Variants in LPP observed in about 807,000 individuals in gnomAD.
LPP encodes the protein lipoma-preferred partner.
A neutral mutation model predicts 60.4 loss-of-function variants in LPP; 38 were observed. The ratio of observed to expected loss-of-function variants is 0.63; its 90% CI spans 0.49 to 0.83. The LOEUF (loss-of-function observed/expected upper bound fraction) is 0.83. LPP is among the 40% of genes least tolerant of loss of function. The pLI, the probability that LPP is intolerant of heterozygous loss-of-function variation, is 0.00. For missense variants in LPP, 902 were observed against 783.6 expected (o/e 1.15, Z -1.80); for synonymous variants, 328 against 290.8 (o/e 1.13, Z -1.30).
chr3:188,206,684 G>A (rs1185180310), intron 1 of LPP, among the ~76,000 whole-genome samples: 2 of 152,210 alleles, frequency 1.3e-5, no homozygotes, highest in African/African-American at 2.4e-5. Context: ...GAATCTGGGC[G>A]ATGAGAAAGA....
chr3:188,638,022 G>A lies in LPP; in HGVS notation c.1113+28178G>A, dbSNP rs1344467284. Reference sequence around the variant, plus strand: ...CTCCCTAACTCATTTTATGAGGCCAGCATCATCCTGATACCAAAGCCTGGC... The same window carrying A: ...CTCCCTAACTCATTTTATGAGGCCAACATCATCCTGATACCAAAGCCTGGC... On this transcript the variant is annotated intron_variant, in intron 7 of 11. Coordinates refer to ENST00000617246, the MANE Select transcript of LPP (RefSeq NM_001375462.1). 1.3e-5 allele frequency among the ~76,000 whole-genome samples: 2 copies of A among 150,440 alleles called. 1 individual carries two copies. The highest frequency in any genetic ancestry group is 1.3e-4 in the Admixed American group (2 of 14,970).
chr3:188,595,306 T>C (rs1300946985), intron 6 of LPP, among the ~76,000 whole-genome samples: 1 of 151,804 alleles, frequency 6.6e-6, no homozygotes, highest in African/African-American at 2.4e-5. Context: ...GTTTGCTCTT[T>C]TAAAAAGGAA....
At chr3:188,768,162 T>C (rs1401472992) in intron 9 of LPP, among the ~76,000 whole-genome samples, 1 of 152,156 alleles carries the variant, frequency 6.6e-6, no homozygotes, top group Non-Finnish European at 1.5e-5. Context: ...ACAGATGGAA[T>C]GTGAAGCTAC....
chr3:188,433,852 T>C (rs1428947884), intron 4 of LPP, among the ~76,000 whole-genome samples: 3 of 152,160 alleles, frequency 2.0e-5, no homozygotes. Flanking sequence ...CTCTTGGTGT[T>C]ATCTTTTTTT....
chr3:188,372,719 T>G (rs1000802829), intron 3 of LPP, among the ~76,000 whole-genome samples: 1 of 151,752 alleles, frequency 6.6e-6, no homozygotes, highest in Admixed American at 6.6e-5. Context: ...ATTTTATTAT[T>G]ATTATACTTT....
intron 3 of LPP, among the ~76,000 whole-genome samples, chr3:188,386,260 GCGCGCACACACACACACA>G (rs1254780146): frequency 6.1e-4 from 59 of 96,740 alleles, no homozygotes; most frequent in African/African-American, 3.7e-4. Context: ...GTCATAGCAT[GCGCGCACACACACACACA>G]CACACACACA....
At chr3:188,783,375 T>C (rs1740458261) in intron 9 of LPP, among the ~76,000 whole-genome samples, 1 of 152,026 alleles carries the variant, frequency 6.6e-6, no homozygotes, top group Admixed American at 6.6e-5. Flanking sequence ...TAAGCAGCCA[T>C]AAAAAAGAAT....
At chr3:188,240,611 A>G in intron 2 of LPP, among the ~76,000 whole-genome samples, 1 of 152,286 alleles carries the variant, frequency 6.6e-6, no homozygotes, top group Non-Finnish European at 1.5e-5. Flanking sequence ...TTAGACCAGC[A>G]ACATATTTGG....
intron 9 of LPP, among the ~76,000 whole-genome samples, chr3:188,812,966 G>C (rs1433806424): frequency 6.6e-6 from 1 of 152,016 alleles, no homozygotes; most frequent in African/African-American, 2.4e-5. Flanking sequence ...GAAGGAGAAT[G>C]GACCCAAACT....
At chr3:188,203,523 A>ATAAATATATATT (rs1560107463) in intron 1 of LPP, among the ~76,000 whole-genome samples, 2 of 35,236 alleles carry the variant, frequency 5.7e-5, no homozygotes, top group Non-Finnish European at 1.3e-4. Context: ...TTAAATATAT[A>ATAAATATATATT]TAAATATATA....
Position 188,885,997 on chromosome 3 carries a change from T to A in LPP, c.*11518T>A, listed in dbSNP as rs1165008835. Reference sequence around the variant, plus strand: ...TAAAAAATGATGAGTTCATGTCCTTTGTAGGGACATGGATGAAATTGGAAA... The same window carrying A: ...TAAAAAATGATGAGTTCATGTCCTTAGTAGGGACATGGATGAAATTGGAAA... On this transcript the variant is annotated 3_prime_UTR_variant, in exon 12 of 12. Transcript: ENST00000617246. 2 of 152,160 alleles carry A rather than the reference T, an allele frequency of 1.3e-5. No individual in the cohort carries two copies. The highest frequency in any genetic ancestry group is 1.3e-4 in the Admixed American group (2 of 15,274). 9.4% of individuals were successfully genotyped at this position (152,160 alleles called of 1,614,324 possible). A position where few individuals can be genotyped will look rare whatever the true frequency, so the allele number is the denominator to read the frequency against.
intron 6 of LPP, among the ~76,000 whole-genome samples, chr3:188,537,883 G>C (rs1824067570): frequency 6.6e-6 from 1 of 152,054 alleles, no homozygotes; most frequent in Non-Finnish European, 1.5e-5. Flanking sequence ...TGTGATATTG[G>C]CCTAAGATAT....
intron 3 of LPP, among the ~76,000 whole-genome samples, chr3:188,364,288 A>G (rs1380756241): frequency 2.0e-5 from 3 of 152,224 alleles, no homozygotes; most frequent in African/African-American, 7.2e-5. Context: ...GACTTGCTTA[A>G]CTTCTGCCCT....
intron 6 of LPP, among the ~76,000 whole-genome samples, chr3:188,596,137 C>T (rs978891483): frequency 6.6e-6 from 1 of 152,086 alleles, no homozygotes; most frequent in Non-Finnish European, 1.5e-5. Flanking sequence ...CTGGTACACC[C>T]GTTTGCTGTA....
At chr3:188,186,947 T>C (rs932393296) in intron 1 of LPP, among the ~76,000 whole-genome samples, 17 of 152,218 alleles carry the variant, frequency 1.1e-4, no homozygotes, top group Non-Finnish European at 2.1e-4. Flanking sequence ...TGGTTTCCTT[T>C]ATGTTTACAG....
chr3:188,357,818 A>G (rs914321981), intron 3 of LPP, among the ~76,000 whole-genome samples: 8 of 152,182 alleles, frequency 5.3e-5, no homozygotes, highest in East Asian at 1.9e-4. Context: ...CATGTTTGCT[A>G]TCTTTTCTGT....
chr3:188,483,628 T>A (rs1805446714), intron 4 of LPP, among the ~76,000 whole-genome samples: 1 of 152,232 alleles, frequency 6.6e-6, no homozygotes, highest in Admixed American at 6.5e-5. Flanking sequence ...CTTGGATATA[T>A]GTGTATAACT....
chr3:188,376,994 G>T (rs1775315154), intron 3 of LPP, among the ~76,000 whole-genome samples: 1 of 152,092 alleles, frequency 6.6e-6, no homozygotes, highest in Non-Finnish European at 1.5e-5. Flanking sequence ...TGAAATTCTG[G>T]GTTGAAAATT....
intron 7 of LPP, among the ~76,000 whole-genome samples, chr3:188,620,078 A>G (rs1482521963): frequency 6.6e-6 from 1 of 152,074 alleles, no homozygotes; most frequent in Non-Finnish European, 1.5e-5. Context: ...TTACTAAAAT[A>G]TGCACTAAAA....
Sources: gnomAD v4.1 joint callset for allele counts (sites outside exome capture counted in the v4.1 genomes callset) on GRCh38, gnomAD v4.1.1 for gene constraint, MANE v1.5 for transcripts, NCBI Gene and HGNC (gene_info 2026-07-23, HGNC 2026-07-21) for gene names.